The following ASCC3 variants were observed in gnomAD, a reference collection of about 807,000 sequenced individuals.
ASCC3 encodes the protein activating signal cointegrator 1 complex subunit 3.
A neutral mutation model predicts 256.3 loss-of-function variants in ASCC3; 158 were observed. The ratio of observed to expected loss-of-function variants is 0.62; its 90% CI spans 0.54 to 0.70. The LOEUF (loss-of-function observed/expected upper bound fraction) is 0.70. ASCC3 is among the 30% of genes least tolerant of loss of function. ASCC3 has a pLI of 0.00. For synonymous variants in ASCC3, 948 were observed against 883.4 expected, an observed-to-expected ratio of 1.07 and a Z score of -1.30; for missense variants, 2,259 against 2,626.0, an observed-to-expected ratio of 0.86 and a Z score of 3.05.
chr6:100,850,347 T>C (rs2114509735), intron 3 of ASCC3, among the ~76,000 whole-genome samples: 1 of 152,280 alleles, frequency 6.6e-6, no homozygotes, highest in South Asian at 2.1e-4. Context: ...TCAAGGCCTC[T>C]GATTGTTCAA....
rs117633843 is a variant in ASCC3, at chr6:100,770,045, T to A, written c.1396-2700A>T. On this transcript the variant is annotated intron_variant, in intron 8 of 41. Coordinates refer to ENST00000369162, the MANE Select transcript of ASCC3 (RefSeq NM_006828.4). ...AATAATATCAATTTTAAGTGGAGTT[T>A]TAAACTATTTCAAAAAAAATGTAAA... Among the ~76,000 whole-genome samples the A allele has an allele frequency of 1.2e-4, 18 of 151,910 alleles. No individual in the cohort carries two copies. The East Asian group carries it at 3.5e-3, about 29-fold the overall frequency.
At chr6:100,869,908 A>T (rs1264746027) in intron 1 of ASCC3, among the ~76,000 whole-genome samples, 1 of 151,986 alleles carries the variant, frequency 6.6e-6, no homozygotes, top group Non-Finnish European at 1.5e-5. Flanking sequence ...GGAAGGGATT[A>T]AAAAAAACCT....
chr6:100,829,603 C>A (rs888885583), intron 4 of ASCC3, among the ~76,000 whole-genome samples: 1 of 152,000 alleles, frequency 6.6e-6, no homozygotes, highest in Non-Finnish European at 1.5e-5. Flanking sequence ...CTGAGGGAGC[C>A]GGCTCCGGCC....
intron 20 of ASCC3, among the ~76,000 whole-genome samples, chr6:100,648,973 T>C (rs1003209244): frequency 2.0e-5 from 3 of 151,848 alleles, no homozygotes; most frequent in Admixed American, 6.6e-5. Context: ...AGGTTTACCT[T>C]AGGGGCTGAG....
At chr6:100,697,217 T>C (rs1378057061) in intron 13 of ASCC3, among the ~76,000 whole-genome samples, 2 of 151,528 alleles carry the variant, frequency 1.3e-5, no homozygotes, top group African/African-American at 4.8e-5. Context: ...CAAAACAAGA[T>C]AAAAATTACA....
intron 14 of ASCC3, among the ~76,000 whole-genome samples, chr6:100,679,112 G>C (rs781493451): frequency 6.6e-6 from 1 of 151,760 alleles, no homozygotes; most frequent in East Asian, 1.9e-4. Flanking sequence ...TTTTTAAAAG[G>C]ATGCAGGTGA....
intron 37 of ASCC3, among the ~76,000 whole-genome samples, chr6:100,532,613 G>A (rs1190163453): frequency 6.6e-6 from 1 of 151,356 alleles, no homozygotes; most frequent in Non-Finnish European, 1.5e-5. Context: ...GTATATCCAG[G>A]CACTCTCTAA....
chr6:100,661,606 A>G (rs1485088900), intron 16 of ASCC3, among the ~76,000 whole-genome samples, 200 bp downstream of exon 16: 1 of 151,888 alleles, frequency 6.6e-6, no homozygotes, highest in African/African-American at 2.4e-5. Context: ...TCTTTTAACA[A>G]TAGATTTTTA....
chr6:100,547,018 TAC>T (rs1769005673), intron 36 of ASCC3, among the ~76,000 whole-genome samples: 1 of 152,014 alleles, frequency 6.6e-6, no homozygotes, highest in Non-Finnish European at 1.5e-5. Context: ...CTTATAAAGC[TAC>T]ACTAAGCAAA....
intron 9 of ASCC3, 150 bp from the exon 10 acceptor site, chr6:100,766,855 T>C: frequency 1.0e-6 from 1 of 999,412 alleles, no homozygotes; most frequent in Non-Finnish European, 1.5e-6. Flanking sequence ...AAAAGTCTTA[T>C]CTTTGTGAGA....
rs946881067 is a variant in ASCC3, at chr6:100,650,794, G to A, written c.3076-80C>T. The A allele has an allele frequency of 1.5e-5, 17 of 1,121,808 alleles. No homozygotes were observed. In the African/African-American group the frequency reaches 2.5e-4, roughly 16 times the overall value. 69.5% of individuals were successfully genotyped at this position (1,121,808 alleles called of 1,614,324 possible). ...CACATTGAAATTAAATACATTGCAT[G>A]TTTTTAAAGAGTTTCCATTTACTAT... On this transcript the variant is annotated intron_variant, in intron 19 of 41. Coordinates refer to ENST00000369162, the MANE Select transcript of ASCC3 (RefSeq NM_006828.4).
chr6:100,612,770 G>T (rs924810134), intron 30 of ASCC3, among the ~76,000 whole-genome samples: 1 of 151,734 alleles, frequency 6.6e-6, no homozygotes, highest in African/African-American at 2.4e-5. Flanking sequence ...AGAAATAAAT[G>T]AATTAAAAAG....
At chr6:100,630,575 G>A (rs1252953119) in intron 26 of ASCC3, among the ~76,000 whole-genome samples, 1 of 145,500 alleles carries the variant, frequency 6.9e-6, no homozygotes, top group Non-Finnish European at 1.5e-5. Flanking sequence ...ATTTTACATT[G>A]TGTGAATGTA....
At chr6:100,510,264 G>T in intron 40 of ASCC3, 157 bp from the exon 41 acceptor site, 2 of 770,872 alleles carry the variant, frequency 2.6e-6, no homozygotes, top group Non-Finnish European at 2.1e-6. Flanking sequence ...ATTCTGGTTT[G>T]GTGTCTTTGA....
At chr6:100,874,877 T>G (rs1773922538) in intron 1 of ASCC3, among the ~76,000 whole-genome samples, 2 of 152,046 alleles carry the variant, frequency 1.3e-5, no homozygotes, top group Admixed American at 1.3e-4. Context: ...AGAGGTAAAC[T>G]ATGAGGGGGA....
At chr6:100,540,095 A>C (rs1775372990) in intron 37 of ASCC3, 68 bp downstream of exon 37, 1 of 1,431,724 alleles carries the variant, frequency 7.0e-7, no homozygotes, top group South Asian at 1.2e-5. Flanking sequence ...TTTTATCCTA[A>C]AACTAGAAAA....
chr6:100,854,234 G>A (rs1285493833), intron 3 of ASCC3, among the ~76,000 whole-genome samples: 1 of 150,518 alleles, frequency 6.6e-6, no homozygotes, highest in Non-Finnish European at 1.5e-5. Context: ...TGACATAACA[G>A]AGGTAGGCAT....
intron 14 of ASCC3, among the ~76,000 whole-genome samples, chr6:100,675,375 T>C (rs1776958674): frequency 6.6e-6 from 1 of 152,036 alleles, no homozygotes; most frequent in African/African-American, 2.4e-5. Flanking sequence ...TCTGTTATGC[T>C]ATCTTTAGTT....
chr6:100,527,047 T>G (rs1022591706), intron 37 of ASCC3, among the ~76,000 whole-genome samples: 28 of 152,192 alleles, frequency 1.8e-4, no homozygotes, highest in Non-Finnish European at 2.5e-4. Flanking sequence ...AAGTGAAATA[T>G]TTATTTACCT....
Sources: allele counts gnomAD v4.1 joint callset (sites outside exome capture counted in the v4.1 genomes callset), GRCh38; gene constraint gnomAD v4.1.1; transcripts MANE v1.5; gene names NCBI Gene and HGNC (gene_info 2026-07-23, HGNC 2026-07-21).